The following STN1 variants were observed in gnomAD, a reference collection of about 807,000 sequenced individuals.
STN1 encodes STN1 subunit of CST complex.
Under a neutral mutation model 45.5 loss-of-function variants are expected in STN1, and 29 were observed. The ratio of observed to expected loss-of-function variants is 0.64; its 90% CI spans 0.47 to 0.87. The LOEUF is 0.87. STN1 is among the 40% of genes least tolerant of loss of function. The pLI, the probability that STN1 is intolerant of heterozygous loss-of-function variation, is 0.00. For missense variants in STN1, 376 were observed against 441.4 expected (o/e 0.85, Z 1.33); for synonymous variants, 148 against 159.0 (o/e 0.93, Z 0.52).
chr10:103,912,728 CCTTT>C lies in STN1; in HGVS notation c.134-2110_134-2107del, dbSNP rs1843299806. Among the ~76,000 whole-genome samples the C allele has an allele frequency of 2.6e-5, 4 of 152,188 alleles. No homozygotes were observed. In the South Asian group the frequency reaches 8.3e-4, roughly 31 times the overall value. On this transcript the variant is annotated intron_variant, in intron 2 of 9. Coordinates refer to ENST00000224950, the MANE Select transcript of STN1 (RefSeq NM_024928.5). ...GGCAGGATCTCTGGCTGCACTCAGC[CCTTT>C]CTGCCTCCCCAAATGCTCTATATCA...
rs912066205 is a variant in STN1 at position 103,879,090 on chromosome 10, C to G, written c.*3594G>C. On this transcript the variant is annotated 3_prime_UTR_variant, in exon 10 of 10. Coordinates refer to ENST00000224950, the MANE Select transcript of STN1 (RefSeq NM_024928.5). ...GGGTGTGACTTCTGAGCACTTCCAG[C>G]CTGCACAGCCTACTAAGACATGTGA... 7 of 152,288 alleles carry G rather than the reference C, an allele frequency of 4.6e-5. No individual in the cohort carries two copies. Among genetic ancestry groups the G allele is most frequent in the African/African-American group, 1.7e-4 (7 of 41,438 alleles). The allele number at this position is 152,288 out of a possible 1,614,324, so 9.4% of individuals were successfully genotyped here.
intron 3 of STN1, among the ~76,000 whole-genome samples, chr10:103,908,044 A>T (rs1443217084): frequency 6.6e-6 from 1 of 151,520 alleles, no homozygotes; most frequent in Non-Finnish European, 1.5e-5. Flanking sequence ...CAGGAGAATC[A>T]CTTGAACCCG....
At chr10:103,904,731 A>G (rs548637075) in intron 4 of STN1, among the ~76,000 whole-genome samples, 1 of 152,322 alleles carries the variant, frequency 6.6e-6, no homozygotes, top group Admixed American at 6.5e-5. Context: ...TCTTTGGTCA[A>G]GTGATATGGC....
rs547427941 is a variant in STN1 at position 103,888,626 on chromosome 10, T to C, written c.949+446A>G. ...CCCTTCCAACACTGAAAGGCTTTGA[T>C]GTTAGAATAGAGGGAAATGTCAGGT... On this transcript the variant is annotated intron_variant, in intron 9 of 9. Coordinates refer to ENST00000224950, the MANE Select transcript of STN1 (RefSeq NM_024928.5). 2.6e-5 allele frequency among the ~76,000 whole-genome samples: 4 copies of C among 152,272 alleles called. No individual in the cohort carries two copies. In the East Asian group the frequency reaches 5.8e-4, roughly 22 times the overall value.
At chr10:103,906,487 T>C (rs1843241872) in intron 3 of STN1, among the ~76,000 whole-genome samples, 1 of 151,700 alleles carries the variant, frequency 6.6e-6, no homozygotes, top group Admixed American at 6.6e-5. Context: ...GGAGACCCCG[T>C]CTCTACCAAA....
chr10:103,889,178 T>G, intron 8 of STN1, 34 bp from the exon 9 acceptor site: 5 of 1,362,506 alleles, frequency 3.7e-6, no homozygotes, highest in Non-Finnish European at 5.3e-6. Flanking sequence ...GAGAGAGTGT[T>G]CTTAGGTAAC....
intron 4 of STN1, among the ~76,000 whole-genome samples, chr10:103,902,709 C>A (rs1843217175): frequency 6.6e-6 from 1 of 152,200 alleles, no homozygotes; most frequent in Non-Finnish European, 1.5e-5. Context: ...ATGATTTTGA[C>A]TCAGACTAAA....
chr10:103,911,234 G>C (rs946385491), intron 2 of STN1, among the ~76,000 whole-genome samples: 5 of 152,136 alleles, frequency 3.3e-5, no homozygotes, highest in Non-Finnish European at 7.3e-5. Flanking sequence ...AAAGCTGAGA[G>C]GGGGAACCTA....
intron 2 of STN1, among the ~76,000 whole-genome samples, chr10:103,911,114 C>T (rs1399230459): frequency 6.7e-6 from 1 of 150,214 alleles, no homozygotes; most frequent in African/African-American, 2.5e-5. Flanking sequence ...AAGTAGGTTA[C>T]AAAACGCTAC....
chr10:103,902,486 C>T (rs1843216045), intron 4 of STN1, among the ~76,000 whole-genome samples: 1 of 152,170 alleles, frequency 6.6e-6, no homozygotes, highest in African/African-American at 2.4e-5. Flanking sequence ...GAGGCTCAAG[C>T]TGTGTAATTA....
intron 2 of STN1, 125 bp from the exon 3 acceptor site, chr10:103,910,747 A>T: frequency 1.7e-6 from 1 of 572,364 alleles, no homozygotes; most frequent in Non-Finnish European, 3.2e-6. Context: ...GAAATTCTAG[A>T]CTTAAGAATC....
chr10:103,913,517 T>C (rs979448450), intron 2 of STN1, among the ~76,000 whole-genome samples: 14 of 151,378 alleles, frequency 9.2e-5, no homozygotes, highest in Non-Finnish European at 1.6e-4. Flanking sequence ...CTATAACAGA[T>C]AGTTTGAATT....
chr10:103,889,436 GTTAT>G (rs1843124426), intron 8 of STN1, among the ~76,000 whole-genome samples: 1 of 152,006 alleles, frequency 6.6e-6, no homozygotes, highest in Non-Finnish European at 1.5e-5. Flanking sequence ...ACACATTTTT[GTTAT>G]TTGTTGTTAT....
chr10:103,903,386 T>C (rs746315439), intron 4 of STN1, among the ~76,000 whole-genome samples: 2 of 152,222 alleles, frequency 1.3e-5, no homozygotes, highest in Non-Finnish European at 2.9e-5. Context: ...CTGCTACAGT[T>C]TGACAAAAAC....
chr10:103,909,643 A>C (rs1352171809), intron 3 of STN1, among the ~76,000 whole-genome samples: 1 of 151,468 alleles, frequency 6.6e-6, no homozygotes, highest in South Asian at 2.1e-4. Flanking sequence ...AAATGAATAC[A>C]TGTAAAGAAA....
chr10:103,910,211 TAC>T (rs1843280580), intron 3 of STN1, among the ~76,000 whole-genome samples: 1 of 152,238 alleles, frequency 6.6e-6, no homozygotes, highest in African/African-American at 2.4e-5. Context: ...CTTTGCTATT[TAC>T]AGATATACCC....
intron 7 of STN1, among the ~76,000 whole-genome samples, chr10:103,896,862 A>C (rs533494901): frequency 6.6e-6 from 1 of 152,208 alleles, no homozygotes; most frequent in Admixed American, 6.5e-5. Context: ...TATTATGCTT[A>C]ATATTTGAGT....
At chr10:103,911,482 C>G (rs949061353) in intron 2 of STN1, among the ~76,000 whole-genome samples, 1 of 152,198 alleles carries the variant, frequency 6.6e-6, no homozygotes, top group African/African-American at 2.4e-5. Context: ...TTCCCCCCGC[C>G]CCCATGACGG....
At position 103,916,401 on chromosome 10, in the gene STN1, G is replaced by A. The variant is rs190143357; in HGVS notation, c.133+1061C>T. 2.7e-3 allele frequency among the ~76,000 whole-genome samples: 408 copies of A among 152,304 alleles called. 3 individuals carry two copies. Among genetic ancestry groups the A allele is most frequent in the African/African-American group, 9.1e-3 (377 of 41,558 alleles). On this transcript the variant is annotated intron_variant, in intron 2 of 9. Transcript: ENST00000224950. The stretch of plus-strand genomic sequence containing the variant: ...TGGAAAACTGTGGAGGAGGTTGGCT[G>A]CCTTCCAAGGGAAAACACAGACCAT...
Sources: allele counts gnomAD v4.1 joint callset (sites outside exome capture counted in the v4.1 genomes callset), GRCh38; gene constraint gnomAD v4.1.1; transcripts MANE v1.5; gene names NCBI Gene and HGNC (gene_info 2026-07-23, HGNC 2026-07-21).